Variants in APBA1 observed in about 807,000 individuals in gnomAD.
APBA1 encodes the protein amyloid beta precursor protein binding family A member 1, also known as amyloid-beta A4 precursor protein-binding family A member 1.
In APBA1, 55 loss-of-function variants were observed where a neutral mutation model predicts 86.6. The ratio of observed to expected loss-of-function variants is 0.64; its 90% CI spans 0.51 to 0.80. APBA1 has a LOEUF of 0.80. Among genes scored for constraint, APBA1 ranks in the 30% least tolerant of loss-of-function variants. The pLI is 0.00. For missense variants in APBA1, 1,090 were observed against 1,183.0 expected (o/e 0.92, Z 1.15); for synonymous variants, 511 against 493.9 (o/e 1.03, Z -0.46).
At chr9:69,663,015 G>A (rs990377) in intron 1 of APBA1, among the ~76,000 whole-genome samples, 2,160 of 152,086 alleles carry the variant, frequency 0.014, 44 homozygotes, top group African/African-American at 0.044. Flanking sequence ...TTCAAAAAAC[G>A]AAAAAACAAC....
chr9:69,489,112 C>T (rs1226221973), intron 2 of APBA1, among the ~76,000 whole-genome samples: 1 of 152,004 alleles, frequency 6.6e-6, no homozygotes, highest in Non-Finnish European at 1.5e-5. Context: ...ACTTTCTTCA[C>T]AGAATTGGAA....
chr9:69,457,186 G>T, intron 6 of APBA1, 47 bp from the exon 7 acceptor site: 2 of 1,443,718 alleles, frequency 1.4e-6, no homozygotes, highest in Non-Finnish European at 2.0e-6. Context: ...ACACTACCCT[G>T]ACCCAGATGC....
chr9:69,579,350 A>T (rs1221406935), intron 1 of APBA1, among the ~76,000 whole-genome samples: 1 of 152,202 alleles, frequency 6.6e-6, no homozygotes, highest in Non-Finnish European at 1.5e-5. Context: ...CAGAGGCTAC[A>T]TAAAGGACAT....
chr9:69,501,353 A>ATGTT (rs1335567086), intron 2 of APBA1, among the ~76,000 whole-genome samples: 2 of 152,102 alleles, frequency 1.3e-5, no homozygotes, highest in Admixed American at 6.5e-5. Context: ...AAAGATGATC[A>ATGTT]TGTTTGTACT....
At chr9:69,547,253 C>G (rs1360171781) in intron 1 of APBA1, among the ~76,000 whole-genome samples, 1 of 152,170 alleles carries the variant, frequency 6.6e-6, no homozygotes, top group Non-Finnish European at 1.5e-5. Context: ...TACGGAACAA[C>G]TCAGCTCTTT....
At chr9:69,505,802 G>C (rs1835950660) in intron 2 of APBA1, among the ~76,000 whole-genome samples, 1 of 152,022 alleles carries the variant, frequency 6.6e-6, no homozygotes. Context: ...TGGATCACCT[G>C]AGGTCAGGAG....
chr9:69,483,225 G>T (rs896756676), intron 2 of APBA1, among the ~76,000 whole-genome samples: 5 of 150,646 alleles, frequency 3.3e-5, no homozygotes, highest in Non-Finnish European at 7.4e-5. Context: ...TTCACAGTCT[G>T]TTGGCAATGT....
chr9:69,473,477 A>G (rs1835396154), intron 3 of APBA1, among the ~76,000 whole-genome samples: 1 of 152,220 alleles, frequency 6.6e-6, no homozygotes, highest in Admixed American at 6.5e-5. Flanking sequence ...AGGTATATCT[A>G]AGAAGTCAAT....
At chr9:69,541,278 T>C (rs1250734754) in intron 1 of APBA1, among the ~76,000 whole-genome samples, 1 of 137,070 alleles carries the variant, frequency 7.3e-6, no homozygotes, top group Non-Finnish European at 1.6e-5. Flanking sequence ...GTTTTCTATA[T>C]CAGCCGAACC....
intron 10 of APBA1, among the ~76,000 whole-genome samples, chr9:69,445,694 G>C (rs10114379): frequency 0.056 from 8,547 of 152,124 alleles, 817 homozygotes; most frequent in African/African-American, 0.19. Flanking sequence ...TTATGCCTTG[G>C]GAATTAATTA....
intron 1 of APBA1, among the ~76,000 whole-genome samples, chr9:69,606,669 T>C (rs1353346132): frequency 1.3e-5 from 2 of 151,804 alleles, no homozygotes; most frequent in Admixed American, 1.3e-4. Flanking sequence ...TTTTTTTGTA[T>C]TTTTAGTAGA....
intron 1 of APBA1, among the ~76,000 whole-genome samples, chr9:69,652,921 C>T (rs1015559046): frequency 3.3e-5 from 5 of 151,428 alleles, no homozygotes; most frequent in Admixed American, 2.0e-4. Flanking sequence ...TGCTAGAACC[C>T]GGGAGATGAA....
chr9:69,456,928 C>T, intron 7 of APBA1, 125 bp downstream of exon 7: 1 of 793,006 alleles, frequency 1.3e-6, no homozygotes, highest in Non-Finnish European at 2.0e-6. Context: ...CACCTTCTAG[C>T]TCACTGGGGC....
At chr9:69,650,024 C>G (rs1333767103) in intron 1 of APBA1, among the ~76,000 whole-genome samples, 2 of 152,186 alleles carry the variant, frequency 1.3e-5, no homozygotes, top group African/African-American at 4.8e-5. Flanking sequence ...CAGGAATGCT[C>G]TCTCCCACTG....
intron 1 of APBA1, among the ~76,000 whole-genome samples, chr9:69,541,418 T>C (rs1050542544): frequency 3.3e-5 from 5 of 152,206 alleles, no homozygotes; most frequent in African/African-American, 1.2e-4. Context: ...TGAGGTGATA[T>C]CTCATTGTAG....
chr9:69,636,174 T>C (rs981291638), intron 1 of APBA1, among the ~76,000 whole-genome samples: 10 of 152,198 alleles, frequency 6.6e-5, no homozygotes, highest in Non-Finnish European at 1.3e-4. Context: ...ATCAGATAAA[T>C]GTAAGTGAAA....
rs1256775993 is a variant in APBA1, at chr9:69,636,975, GAAAGAAAGAAAA to G, written c.-70+35166_-70+35177del. Among the ~76,000 whole-genome samples the G allele has an allele frequency of 5.6e-4, 84 of 151,054 alleles. 2 individuals are homozygous for G. Among genetic ancestry groups the G allele is most frequent in the South Asian group, 2.1e-3 (10 of 4,762 alleles). On this transcript the variant is annotated intron_variant, in intron 1 of 12. Transcript: ENST00000265381. The stretch of plus-strand genomic sequence containing the variant: ...AGAAAGAAAGAAAGAAAGAAAGAAA[GAAAGAAAGAAAA>G]ATGTGATACATATACACAGTGGAGT...
At chr9:69,467,488 G>C (rs1451936895) in intron 5 of APBA1, among the ~76,000 whole-genome samples, 1 of 152,146 alleles carries the variant, frequency 6.6e-6, no homozygotes, top group Non-Finnish European at 1.5e-5. Context: ...AGCTGTCAGT[G>C]GAAATCCAGT....
intron 1 of APBA1, among the ~76,000 whole-genome samples, chr9:69,600,833 T>TAAATAAATAAAA (rs1263840679): frequency 2.0e-5 from 3 of 146,650 alleles, no homozygotes; most frequent in African/African-American, 7.5e-5. Context: ...AATAAATAAA[T>TAAATAAATAAAA]AAAATAAAAT....
Sources: gnomAD v4.1 joint callset for allele counts (sites outside exome capture counted in the v4.1 genomes callset) on GRCh38, gnomAD v4.1.1 for gene constraint, MANE v1.5 for transcripts, NCBI Gene and HGNC (gene_info 2026-07-23, HGNC 2026-07-21) for gene names.